The following GLCE variants were observed in gnomAD, a reference collection of about 807,000 sequenced individuals.
GLCE encodes the protein glucuronic acid epimerase, also known as D-glucuronyl C5-epimerase.
GLCE carries 19 observed loss-of-function variants against 47.9 expected under a neutral mutation model. The observed-to-expected ratio is 0.40, with a 90% CI of 0.28 to 0.58. The LOEUF is 0.58. Ranked by LOEUF, GLCE falls within the 20% of genes least tolerant of loss-of-function variation. The pLI is 0.48. For missense variants in GLCE, 556 were observed against 743.3 expected (o/e 0.75, Z 2.93); for synonymous variants, 245 against 263.4 (o/e 0.93, Z 0.68).
At chr15:69,176,020 G>C (rs2051656852) in intron 1 of GLCE, among the ~76,000 whole-genome samples, 1 of 151,948 alleles carries the variant, frequency 6.6e-6, no homozygotes, top group Admixed American at 6.6e-5. Context: ...ATGTAACACT[G>C]TTCACTTACT....
chr15:69,194,350 G>A (rs986070389), intron 1 of GLCE: 13 of 152,166 alleles, frequency 8.5e-5, no homozygotes, highest in African/African-American at 3.1e-4. Flanking sequence ...TCTCTTTGAG[G>A]TCTTTGGTTT....
chr15:69,178,215 C>T (rs1437998221), intron 1 of GLCE, among the ~76,000 whole-genome samples: 2 of 151,962 alleles, frequency 1.3e-5, no homozygotes, highest in African/African-American at 4.8e-5. Flanking sequence ...TCTTGTAGCT[C>T]GGTAAGAGTA....
chr15:69,221,679 A>G (rs1160777032), intron 2 of GLCE, among the ~76,000 whole-genome samples: 3 of 152,004 alleles, frequency 2.0e-5, no homozygotes, highest in South Asian at 2.1e-4. Flanking sequence ...CCCGGCCATC[A>G]TGACGAAACC....
intron 2 of GLCE, among the ~76,000 whole-genome samples, chr15:69,230,671 C>G (rs1450595164): frequency 2.6e-5 from 4 of 152,184 alleles, no homozygotes; most frequent in African/African-American, 9.7e-5. Context: ...ACATTCTATT[C>G]TAAGTGTCAA....
chr15:69,229,791 C>T (rs1012828787), intron 2 of GLCE, among the ~76,000 whole-genome samples: 1 of 151,660 alleles, frequency 6.6e-6, no homozygotes, highest in African/African-American at 2.4e-5. Context: ...TAGCAATAAT[C>T]ACATTAAATG....
intron 2 of GLCE, among the ~76,000 whole-genome samples, chr15:69,253,583 A>G (rs2140436273): frequency 6.6e-6 from 1 of 152,352 alleles, no homozygotes; most frequent in South Asian, 2.1e-4. Flanking sequence ...AAAACTAATA[A>G]GAAAGAACTT....
At chr15:69,260,344 C>T (rs578073448) in intron 3 of GLCE, among the ~76,000 whole-genome samples, 2 of 149,320 alleles carry the variant, frequency 1.3e-5, no homozygotes, top group African/African-American at 4.9e-5. Flanking sequence ...ACTGCAACCC[C>T]TGCCTCCTGG....
intron 3 of GLCE, chr15:69,260,697 T>C (rs2053001618): frequency 5.9e-6 from 1 of 169,020 alleles, no homozygotes; most frequent in South Asian, 1.7e-4. Flanking sequence ...ATTTCAGGAT[T>C]AATATTGAAA....
intron 2 of GLCE, among the ~76,000 whole-genome samples, chr15:69,250,355 T>A (rs769155704): frequency 5.9e-5 from 9 of 152,148 alleles, no homozygotes; most frequent in Non-Finnish European, 1.2e-4. Context: ...GAGATTTCCT[T>A]CTCTTCATCC....
At chr15:69,232,080 C>T (rs1163494387) in intron 2 of GLCE, among the ~76,000 whole-genome samples, 1 of 152,210 alleles carries the variant, frequency 6.6e-6, no homozygotes, top group African/African-American at 2.4e-5. Flanking sequence ...CCCAAGCCAC[C>T]ACCCCGGCCT....
chr15:69,192,041 A>G (rs900748940), intron 1 of GLCE, among the ~76,000 whole-genome samples: 5 of 152,046 alleles, frequency 3.3e-5, no homozygotes, highest in Non-Finnish European at 4.4e-5. Flanking sequence ...GTATGTGTGA[A>G]TGTGTGTTTG....
intron 1 of GLCE, among the ~76,000 whole-genome samples, chr15:69,171,235 A>T (rs886077317): frequency 2.0e-5 from 3 of 152,186 alleles, no homozygotes; most frequent in African/African-American, 7.2e-5. Context: ...GTTTTTCATG[A>T]TAATATATAG....
At chr15:69,201,378 T>A (rs1344586067) in intron 1 of GLCE, among the ~76,000 whole-genome samples, 1 of 151,880 alleles carries the variant, frequency 6.6e-6, no homozygotes, top group Non-Finnish European at 1.5e-5. Flanking sequence ...TACAACAAAT[T>A]TTTTTTAGTG....
chr15:69,176,593 C>A (rs1176046517), intron 1 of GLCE, among the ~76,000 whole-genome samples: 5 of 151,944 alleles, frequency 3.3e-5, no homozygotes, highest in East Asian at 1.9e-4. Flanking sequence ...TAAAAAGTAA[C>A]ATTTTTGTAT....
chr15:69,262,653 C>T (rs1157779786), intron 4 of GLCE, among the ~76,000 whole-genome samples: 2 of 152,066 alleles, frequency 1.3e-5, no homozygotes, highest in Non-Finnish European at 2.9e-5. Context: ...AAAGATAGGT[C>T]CCCACATCTT....
intron 1 of GLCE, among the ~76,000 whole-genome samples, chr15:69,204,252 AAGTT>A (rs2052116857): frequency 6.6e-6 from 1 of 151,828 alleles, no homozygotes; most frequent in Admixed American, 6.6e-5. Context: ...CCTGATAAAA[AAGTT>A]AGAAACAAAT....
intron 2 of GLCE, among the ~76,000 whole-genome samples, chr15:69,251,897 T>C (rs1281347390): frequency 6.6e-6 from 1 of 152,232 alleles, no homozygotes; most frequent in African/African-American, 2.4e-5. Flanking sequence ...AGTGGTATAC[T>C]GAACTTCCAA....
chr15:69,257,659 A>G (rs1047145953), intron 3 of GLCE, among the ~76,000 whole-genome samples: 1 of 152,090 alleles, frequency 6.6e-6, no homozygotes, highest in Non-Finnish European at 1.5e-5. Flanking sequence ...TCCTTACCAA[A>G]TGTTTAGAAG....
At position 69,261,930 on chromosome 15, in the gene GLCE, G is replaced by A. The variant is rs145580379; in HGVS notation, c.829+601G>A. Among the ~76,000 whole-genome samples, 218 of 152,204 alleles carry A rather than the reference G, an allele frequency of 1.4e-3. 1 individual carries two copies. The highest frequency in any genetic ancestry group is 5.0e-3 in the African/African-American group (209 of 41,524). On this transcript the variant is annotated intron_variant, in intron 4 of 4. Coordinates refer to ENST00000261858, the MANE Select transcript of GLCE (RefSeq NM_015554.3). The stretch of plus-strand genomic sequence containing the variant: ...ACAGTCTCATTAATTAGAATGTAAT[G>A]CATTTTCCTGCACTAATCAATATCA...
Sources: gnomAD v4.1 joint callset for allele counts (sites outside exome capture counted in the v4.1 genomes callset) on GRCh38, gnomAD v4.1.1 for gene constraint, MANE v1.5 for transcripts, NCBI Gene and HGNC (gene_info 2026-07-23, HGNC 2026-07-21) for gene names.